Variants in SLC7A5 observed in about 807,000 individuals in gnomAD.
SLC7A5 encodes solute carrier family 7 member 5.
A neutral mutation model predicts 50.2 loss-of-function variants in SLC7A5; 23 were observed. The ratio of observed to expected loss-of-function variants is 0.46; its 90% CI spans 0.33 to 0.65. The LOEUF (loss-of-function observed/expected upper bound fraction) is 0.65, where lower values mean the gene tolerates loss of function less well. SLC7A5 is among the 30% of genes least tolerant of loss of function. SLC7A5 has a pLI of 0.02. For missense variants in SLC7A5, 578 were observed against 684.4 expected, an observed-to-expected ratio of 0.84 and a Z score of 1.73; for synonymous variants, 393 against 330.6, an observed-to-expected ratio of 1.19 and a Z score of -2.05.
intron 2 of SLC7A5, among the ~76,000 whole-genome samples, chr16:87,844,511 C>G (rs941417049): frequency 2.6e-5 from 4 of 152,216 alleles, no homozygotes; most frequent in African/African-American, 9.6e-5. Flanking sequence ...AGGGACGCCC[C>G]CAGTGGCCAA....
chr16:87,840,538 G>T (rs1233807638), intron 3 of SLC7A5, 65 bp from the exon 4 acceptor site: 1 of 1,379,180 alleles, frequency 7.3e-7, no homozygotes, highest in Admixed American at 1.7e-5. Context: ...TCACCGGGGA[G>T]AGAGCATCCC....
intron 6 of SLC7A5, among the ~76,000 whole-genome samples, chr16:87,838,284 C>T (rs1362887455): frequency 1.4e-5 from 2 of 140,148 alleles, no homozygotes; most frequent in Admixed American, 1.5e-4. Flanking sequence ...TTTGGGCTTG[C>T]TGCTGCCTTT....
At chr16:87,868,051 G>A (rs1232052692) in intron 1 of SLC7A5, among the ~76,000 whole-genome samples, 5 of 150,848 alleles carry the variant, frequency 3.3e-5, no homozygotes, top group Non-Finnish European at 7.4e-5. Context: ...TGGGAGGCGG[G>A]CTTGCGGTGA....
intron 5 of SLC7A5, among the ~76,000 whole-genome samples, chr16:87,839,057 T>A (rs1473255174): frequency 2.0e-5 from 3 of 152,308 alleles, no homozygotes; most frequent in African/African-American, 7.2e-5. Context: ...TGCCCCCTCC[T>A]CTGGGACTCC....
chr16:87,868,853 C>G, intron 1 of SLC7A5, 32 bp downstream of exon 1: 1 of 1,571,944 alleles, frequency 6.4e-7, no homozygotes, highest in South Asian at 1.2e-5. Flanking sequence ...AGACTACGAC[C>G]TCCCAACCCC....
chr16:87,833,018 C>T lies in SLC7A5; in HGVS notation c.1476G>A (p.Thr492=), dbSNP rs1469326932. ...PKWLLQGIFS[T]TVLCQKLMQV... is the part of the protein sequence containing the mutation. ...GCATGAGCTTCTGACACAGGACGGT[C>T]GTGGAGACTGTCAGGAGAGAAGACA... The change falls in exon 10 of 10, where the codon ACG becomes ACA. Residue 492 remains threonine, a synonymous_variant. Transcript: ENST00000261622. The surrounding 1 kb of genome is among the most constrained non-coding windows in gnomAD (Gnocchi z 6.0). 9.3e-6 allele frequency: 15 copies of T among 1,613,694 alleles called. No individual in the cohort carries two copies. In the East Asian group the frequency reaches 2.0e-4, roughly 22 times the overall value.
rs1406972099 is a variant in SLC7A5, at chr16:87,831,173, G to C, written c.*1797C>G. ...ACAGTCAGTCCACCTGCCTGCTGGT[G>C]GTCCTCGGCCTCCAGACCGTGGGCT... On this transcript the variant is annotated 3_prime_UTR_variant, in exon 10 of 10. Coordinates refer to ENST00000261622, the MANE Select transcript of SLC7A5 (RefSeq NM_003486.7). The C allele has an allele frequency of 1.3e-5, 2 of 152,254 alleles. No individual in the cohort carries two copies. Among genetic ancestry groups the C allele is most frequent in the Admixed American group, 1.3e-4 (2 of 15,276 alleles). The allele number at this position is 152,254 out of a possible 1,614,324, so 9.4% of individuals were successfully genotyped here.
In SLC7A5 at chr16:87,833,492, C is replaced by G. The variant is rs372625169; in HGVS notation, c.1469-467G>C. On this transcript the variant is annotated intron_variant, in intron 9 of 9. Transcript: ENST00000261622. The surrounding 1 kb of genome is among the most constrained non-coding windows in gnomAD (Gnocchi z 6.0). ...CCTGGGACTGTCTACAGAGACATCA[C>G]TCTGTGGAGGGGGACTGCTTTCAGG... Among the ~76,000 whole-genome samples the G allele has an allele frequency of 6.6e-6, 1 of 152,206 alleles. No homozygotes were observed. The highest frequency in any genetic ancestry group is 2.4e-5 in the African/African-American group (1 of 41,458).
intron 1 of SLC7A5, among the ~76,000 whole-genome samples, chr16:87,866,198 C>G (rs1372796650): frequency 6.6e-6 from 1 of 151,938 alleles, no homozygotes; most frequent in Non-Finnish European, 1.5e-5. Context: ...GGGAACATGG[C>G]AAAACCATTT....
At position 87,863,998 on chromosome 16, in the gene SLC7A5, T is replaced by TATATATATAC. The variant is rs1555516649; in HGVS notation, c.538+4886_538+4887insGTATATATAT. Among the ~76,000 whole-genome samples the TATATATATAC allele has an allele frequency of 7.6e-3, 1,048 of 137,614 alleles. 37 individuals are homozygous for TATATATATAC. Among genetic ancestry groups the TATATATATAC allele is most frequent in the South Asian group, 0.013 (55 of 4,392 alleles). The allele number at this position is 137,614 out of a possible 152,430, so 90.3% of individuals were successfully genotyped here. ...GTGATCATTTAAAAATATATATATA[T>TATATATATAC]ATATATATATCAGCCGAGTAGGCTG... On this transcript the variant is annotated intron_variant, in intron 1 of 9. Transcript: ENST00000261622.
At chr16:87,835,619 G>A (rs142197147) in intron 8 of SLC7A5, among the ~76,000 whole-genome samples, 2,033 of 152,208 alleles carry the variant, frequency 0.013, 58 homozygotes, top group African/African-American at 0.046. Context: ...AACTATAGGC[G>A]CCCGCCACCA....
chr16:87,861,327 T>C lies in SLC7A5; in HGVS notation c.538+7558A>G. 6.6e-6 allele frequency among the ~76,000 whole-genome samples: 1 copy of C among 152,100 alleles called. No homozygotes were observed. The highest frequency in any genetic ancestry group is 1.9e-4 in the East Asian group (1 of 5,180). On this transcript the variant is annotated intron_variant, in intron 1 of 9. Transcript: ENST00000261622. The surrounding 1 kb of genome is among the most constrained non-coding windows in gnomAD (Gnocchi z 4.2). ...CACAGATGAGCCTCTGACCCACCTG[T>C]GTCCTTACCTGGGCCGACTGGGCCA...
chr16:87,862,189 A>G lies in SLC7A5; in HGVS notation c.538+6696T>C, dbSNP rs888081177. Among the ~76,000 whole-genome samples the G allele has an allele frequency of 1.5e-4, 23 of 152,118 alleles. No individual in the cohort carries two copies. The highest frequency in any genetic ancestry group is 5.1e-4 in the African/African-American group (21 of 41,420). The stretch of plus-strand genomic sequence containing the variant: ...CAGGCCTGGACTGAGAAGCGGGGCT[A>G]CAGGTTACAGGTGCTGGATACCCCA... On this transcript the variant is annotated intron_variant, in intron 1 of 9. Coordinates refer to ENST00000261622, the MANE Select transcript of SLC7A5 (RefSeq NM_003486.7). The surrounding 1 kb of genome is among the most constrained non-coding windows in gnomAD (Gnocchi z 5.3).
At chr16:87,837,665 G>A (rs1455963002) in intron 7 of SLC7A5, 180 bp downstream of exon 7, 2 of 591,220 alleles carry the variant, frequency 3.4e-6, no homozygotes, top group Admixed American at 3.0e-5. Context: ...ATTATTTTTG[G>A]AATAAAATCT....
chr16:87,864,007 A>G (rs755920215), intron 1 of SLC7A5, among the ~76,000 whole-genome samples: 1 of 143,084 alleles, frequency 7.0e-6, no homozygotes, highest in Non-Finnish European at 1.5e-5. Flanking sequence ...ATATATATAT[A>G]TCAGCCGAGT....
chr16:87,853,564 C>G lies in SLC7A5; in HGVS notation c.539-1715G>C, dbSNP rs2055266423. ...CTCCAGTCCAACCCTCAGGGCTCAG[C>G]AGGGTCAGGTCAGTGGGTCTAGGCA... On this transcript the variant is annotated intron_variant, in intron 1 of 9. Coordinates refer to ENST00000261622, the MANE Select transcript of SLC7A5 (RefSeq NM_003486.7). The surrounding 1 kb of genome is among the most constrained non-coding windows in gnomAD (Gnocchi z 4.4). 1.3e-5 allele frequency among the ~76,000 whole-genome samples: 2 copies of G among 152,216 alleles called. No individual in the cohort carries two copies. The highest frequency in any genetic ancestry group is 4.1e-4 in the South Asian group (2 of 4,832).
intron 1 of SLC7A5, among the ~76,000 whole-genome samples, chr16:87,858,782 AC>A (rs1346498261): frequency 6.6e-6 from 1 of 152,136 alleles, no homozygotes; most frequent in East Asian, 1.9e-4. Flanking sequence ...GGAAGCAAAT[AC>A]CACACAATGA....
chr16:87,838,676 G>A, intron 6 of SLC7A5, 38 bp downstream of exon 6: 1 of 1,480,062 alleles, frequency 6.8e-7, no homozygotes, highest in Non-Finnish European at 9.5e-7. Flanking sequence ...CATGAGGCCT[G>A]GGCCTCCCTC....
intron 1 of SLC7A5, among the ~76,000 whole-genome samples, chr16:87,859,585 A>T (rs2055362664): frequency 3.3e-5 from 5 of 152,224 alleles, no homozygotes; most frequent in Admixed American, 3.3e-4. Flanking sequence ...AGGGGGTCAC[A>T]CAGGCCTTGT....
Sources: gnomAD v4.1 joint callset for allele counts (sites outside exome capture counted in the v4.1 genomes callset) on GRCh38, gnomAD v4.1.1 for gene constraint, Gnocchi (gnomAD v3.1) non-coding constraint, MANE v1.5 for transcripts, NCBI Gene and HGNC (gene_info 2026-07-23, HGNC 2026-07-21) for gene names.